Variants in COL11A1 observed in about 807,000 individuals in gnomAD.
The protein encoded by COL11A1 is collagen type XI alpha 1 chain.
A neutral mutation model predicts 265.2 loss-of-function variants in COL11A1; 74 were observed. The observed-to-expected ratio is 0.28, with a 90% confidence interval of 0.23 to 0.34. The LOEUF is 0.34. Ranked by LOEUF, COL11A1 falls within the 10% of genes least tolerant of loss-of-function variation. COL11A1 has a pLI of 1.00. For missense variants in COL11A1, 2,165 were observed against 2,263.6 expected, an observed-to-expected ratio of 0.96 and a Z score of 0.88; for synonymous variants, 816 against 727.6, an observed-to-expected ratio of 1.12 and a Z score of -1.96.
At chr1:102,903,251 A>G (rs1360245205) in intron 54 of COL11A1, among the ~76,000 whole-genome samples, 1 of 152,186 alleles carries the variant, frequency 6.6e-6, no homozygotes, top group Non-Finnish European at 1.5e-5. Context: ...ACTATGAATG[A>G]TAATGTAATT....
At chr1:102,909,760 A>G (rs74108050) in intron 54 of COL11A1, among the ~76,000 whole-genome samples, 1,522 of 152,130 alleles carry the variant, frequency 0.01, 30 homozygotes, top group African/African-American at 0.035. Flanking sequence ...TCTAAATCTG[A>G]ATATGTATTG....
rs923797130 is a variant in COL11A1 at position 102,887,054 on chromosome 1, A to G, written c.4611T>C (p.Gly1537=). Residue 1537 remains glycine, a splice_region_variant and synonymous_variant, in exon 63 of 67, where the codon GGT becomes GGC. Coordinates refer to ENST00000370096, the MANE Select transcript of COL11A1 (RefSeq NM_001854.4). ...SGLPGPPGSP[G]PPGEVIQPLP... ...AAGGCTGAATGACTTCACCAGGTGGACCCTGTAAAGAAGATAATGTGAGTG... is the reference window on the plus strand; with the variant it reads ...AAGGCTGAATGACTTCACCAGGTGGGCCCTGTAAAGAAGATAATGTGAGTG... 6.2e-7 allele frequency: 1 copy of G among 1,613,744 alleles called. No individual in the cohort carries two copies. Among genetic ancestry groups the G allele is most frequent in the South Asian group, 1.1e-5 (1 of 91,074 alleles).
chr1:103,021,450 T>C (rs897650363), intron 9 of COL11A1, among the ~76,000 whole-genome samples: 1 of 152,128 alleles, frequency 6.6e-6, no homozygotes, highest in Admixed American at 6.5e-5. Context: ...GTTCTTTAGT[T>C]TTAAAATGAG....
At chr1:103,065,698 A>T (rs1571198846) in intron 4 of COL11A1, among the ~76,000 whole-genome samples, 1 of 151,998 alleles carries the variant, frequency 6.6e-6, no homozygotes, top group East Asian at 1.9e-4. Flanking sequence ...GTGATACACT[A>T]TTGAAAAGAA....
chr1:103,018,866 C>G lies in COL11A1; in HGVS notation c.1309-7G>C. 1 of 1,611,264 alleles carries G rather than the reference C, an allele frequency of 6.2e-7. No individual in the cohort carries two copies. Among genetic ancestry groups the G allele is most frequent in the Non-Finnish European group, 8.5e-7 (1 of 1,177,796 alleles). On this transcript the variant is annotated splice_region_variant and splice_polypyrimidine_tract_variant and intron_variant, in intron 9 of 66. Transcript: ENST00000370096. Reference sequence around the variant, plus strand: ...GTCCTTCGACAAGCATACCCTATAACAGGAAAAGAGAACATCTCTACCAGG... The same window carrying G: ...GTCCTTCGACAAGCATACCCTATAAGAGGAAAAGAGAACATCTCTACCAGG...
chr1:103,081,114 A>G (rs1672379029), intron 2 of COL11A1, among the ~76,000 whole-genome samples: 1 of 151,936 alleles, frequency 6.6e-6, no homozygotes, highest in African/African-American at 2.4e-5. Flanking sequence ...TGTATCATAA[A>G]GAAAGCAGTC....
chr1:102,989,320 T>C (rs1464764104), intron 29 of COL11A1, among the ~76,000 whole-genome samples, 198 bp downstream of exon 29: 1 of 152,012 alleles, frequency 6.6e-6, no homozygotes, highest in African/African-American at 2.4e-5. Context: ...ATATAACATC[T>C]AAAAGACAAT....
At chr1:102,939,787 A>G (rs1378533204) in intron 43 of COL11A1, among the ~76,000 whole-genome samples, 2 of 152,162 alleles carry the variant, frequency 1.3e-5, no homozygotes, top group Non-Finnish European at 2.9e-5. Flanking sequence ...AATGATGCAC[A>G]TTATCAGAGT....
At chr1:102,984,267 T>C in intron 30 of COL11A1, 76 bp from the exon 31 acceptor site, 1 of 983,252 alleles carries the variant, frequency 1.0e-6, no homozygotes, top group Non-Finnish European at 1.5e-6. Flanking sequence ...CAATTTTTTT[T>C]AAATATTAGA....
chr1:102,913,764 G>C, intron 52 of COL11A1, 74 bp from the exon 53 acceptor site: 1 of 1,304,602 alleles, frequency 7.7e-7, no homozygotes, highest in Non-Finnish European at 1.1e-6. Flanking sequence ...CAGGAAAAAA[G>C]TATGTTAGGC....
intron 49 of COL11A1, among the ~76,000 whole-genome samples, chr1:102,919,816 C>A (rs114096223): frequency 0.032 from 4,927 of 152,032 alleles, 109 homozygotes; most frequent in Middle Eastern, 0.085. Flanking sequence ...TCAGAGTATT[C>A]GTAATGAAAA....
intron 37 of COL11A1, among the ~76,000 whole-genome samples, chr1:102,966,428 C>T (rs1661411301): frequency 6.6e-6 from 1 of 152,088 alleles, no homozygotes; most frequent in African/African-American, 2.4e-5. Flanking sequence ...TTCCCAATAA[C>T]TATGAATGAA....
At chr1:103,099,859 A>C (rs577613981) in intron 1 of COL11A1, among the ~76,000 whole-genome samples, 5 of 151,926 alleles carry the variant, frequency 3.3e-5, no homozygotes, top group Non-Finnish European at 5.9e-5. Flanking sequence ...AAATGAATTT[A>C]AAAAAGAGGA....
rs539589261 is a variant in COL11A1, at chr1:102,923,498, A to G, written c.3601-109T>C. ...GTATAAAGTTCAATAAGTACATGGA[A>G]ATTAAGATTCAGATACTAACATTTG... is the stretch of plus-strand genomic sequence containing the variant. On this transcript the variant is annotated intron_variant, in intron 46 of 66. Transcript: ENST00000370096. The G allele has an allele frequency of 1.9e-4, 159 of 824,030 alleles. 6 individuals carry two copies. The South Asian group carries it at 2.6e-3, about 13-fold the overall frequency. The allele number at this position is 824,030 out of a possible 1,614,324, so 51.0% of individuals were successfully genotyped here.
chr1:102,943,452 TAC>T (rs199996712), intron 42 of COL11A1, among the ~76,000 whole-genome samples: 1,898 of 79,398 alleles, frequency 0.024, 45 homozygotes, highest in African/African-American at 0.07. Context: ...CACACACACA[TAC>T]ACACACACAC....
Position 103,025,534 on chromosome 1 carries a change from G to C in COL11A1, c.977C>G (p.Ser326Cys). The change falls in exon 7 of 67, where the codon TCT (serine) becomes TGT (cysteine). Residue 326 changes from serine to cysteine, a missense_variant. By Grantham distance (112) the Ser-to-Cys change is moderately radical. Coordinates refer to ENST00000370096, the MANE Select transcript of COL11A1 (RefSeq NM_001854.4). ...SYQTEAPRHV[S>C]GTNEPNPVEE... ...TATACGTATTACCTCATTTGTCCCAGAAACATGCCTAGGAGCTTCTGTCTG... is the reference window on the plus strand; with the variant it reads ...TATACGTATTACCTCATTTGTCCCACAAACATGCCTAGGAGCTTCTGTCTG... The C allele has an allele frequency of 5.0e-6, 8 of 1,612,526 alleles. No individual in the cohort carries two copies. Among genetic ancestry groups the C allele is most frequent in the Non-Finnish European group, 6.8e-6 (8 of 1,178,838 alleles).
At chr1:102,945,284 CT>C (rs1659148883) in intron 42 of COL11A1, among the ~76,000 whole-genome samples, 1 of 146,544 alleles carries the variant, frequency 6.8e-6, no homozygotes, top group Non-Finnish European at 1.5e-5. Context: ...CTCTCTCTCT[CT>C]CTAGCCCTGT....
At chr1:103,102,405 G>A (rs1222622332) in intron 1 of COL11A1, among the ~76,000 whole-genome samples, 4 of 151,896 alleles carry the variant, frequency 2.6e-5, no homozygotes, top group African/African-American at 7.2e-5. Context: ...TAACATCAGC[G>A]TTTATCTCTC....
intron 14 of COL11A1, among the ~76,000 whole-genome samples, chr1:103,010,224 G>A (rs1018472167): frequency 3.9e-5 from 6 of 152,042 alleles, no homozygotes; most frequent in African/African-American, 7.2e-5. Context: ...TCAAAATATC[G>A]ATGTAGACTT....
Sources: allele counts gnomAD v4.1 joint callset (sites outside exome capture counted in the v4.1 genomes callset), GRCh38; gene constraint gnomAD v4.1.1; transcripts MANE v1.5; gene names NCBI Gene and HGNC (gene_info 2026-07-23, HGNC 2026-07-21).